The following ATXN1 variants were observed in gnomAD, a reference collection of about 807,000 sequenced individuals.
The protein encoded by ATXN1 is ataxin-1.
A neutral mutation model predicts 56.4 loss-of-function variants in ATXN1; 8 were observed. The ratio of observed to expected loss-of-function variants is 0.14; its 90% CI spans 0.08 to 0.26. The LOEUF (loss-of-function observed/expected upper bound fraction) is 0.26. Among genes scored for constraint, ATXN1 ranks in the 10% least tolerant of loss-of-function variants. ATXN1 has a pLI of 1.00. For synonymous variants in ATXN1, 514 were observed against 494.6 expected (o/e 1.04, Z -0.52); for missense variants, 987 against 1,106.5 (o/e 0.89, Z 1.53).
At chr6:16,565,712 A>C (rs143204278) in intron 4 of ATXN1, among the ~76,000 whole-genome samples, 3 of 152,194 alleles carry the variant, frequency 2.0e-5, no homozygotes, top group Non-Finnish European at 4.4e-5. Flanking sequence ...TGCTCAAAAA[A>C]TTTCCAGGTA....
intron 6 of ATXN1, among the ~76,000 whole-genome samples, chr6:16,474,875 C>CTG (rs1408224989): frequency 1.3e-5 from 2 of 151,934 alleles, no homozygotes; most frequent in African/African-American, 2.4e-5. Context: ...CTCTCTCTCT[C>CTG]TTTCTGTAAA....
At chr6:16,543,502 A>G (rs1761754718) in intron 4 of ATXN1, among the ~76,000 whole-genome samples, 1 of 152,102 alleles carries the variant, frequency 6.6e-6, no homozygotes, top group Non-Finnish European at 1.5e-5. Flanking sequence ...GTATGCCAAG[A>G]GAAAAAAGAA....
chr6:16,606,824 G>A (rs967719022), intron 3 of ATXN1, among the ~76,000 whole-genome samples: 5 of 130,846 alleles, frequency 3.8e-5, no homozygotes, highest in African/African-American at 8.3e-5. Flanking sequence ...CATCACGCCC[G>A]GCCCTAAATT....
intron 6 of ATXN1, among the ~76,000 whole-genome samples, chr6:16,384,751 G>C (rs1356234430): frequency 2.6e-5 from 4 of 152,208 alleles, no homozygotes; most frequent in Non-Finnish European, 4.4e-5. Context: ...AGGACGTGCT[G>C]GCTTCCCCTT....
intron 5 of ATXN1, among the ~76,000 whole-genome samples, chr6:16,504,763 C>G (rs1760949516): frequency 6.6e-6 from 1 of 152,162 alleles, no homozygotes; most frequent in Non-Finnish European, 1.5e-5. Flanking sequence ...AGACTCCCCT[C>G]ATGTGTAAAA....
At chr6:16,468,861 A>C (rs1298113967) in intron 6 of ATXN1, among the ~76,000 whole-genome samples, 1 of 152,128 alleles carries the variant, frequency 6.6e-6, no homozygotes, top group East Asian at 1.9e-4. Flanking sequence ...ACAGAACACA[A>C]ACTTACTTAG....
At chr6:16,533,751 G>A (rs984143938) in intron 4 of ATXN1, among the ~76,000 whole-genome samples, 2 of 152,046 alleles carry the variant, frequency 1.3e-5, no homozygotes, top group Non-Finnish European at 2.9e-5. Flanking sequence ...ATTCTCCTTC[G>A]TCACGCATAT....
At chr6:16,555,973 G>C (rs898102147) in intron 4 of ATXN1, among the ~76,000 whole-genome samples, 3 of 152,252 alleles carry the variant, frequency 2.0e-5, no homozygotes, top group Non-Finnish European at 4.4e-5. Flanking sequence ...GGCTTTCTTT[G>C]CAAGAGATCA....
At chr6:16,426,204 G>A (rs1759150939) in intron 6 of ATXN1, among the ~76,000 whole-genome samples, 1 of 152,156 alleles carries the variant, frequency 6.6e-6, no homozygotes, top group Admixed American at 6.5e-5. Flanking sequence ...GAGCCATTTT[G>A]GGAGAAGGAA....
At chr6:16,665,125 T>C (rs1034208180) in intron 2 of ATXN1, among the ~76,000 whole-genome samples, 1 of 152,202 alleles carries the variant, frequency 6.6e-6, no homozygotes, top group African/African-American at 2.4e-5. Context: ...GTGGAGAAGA[T>C]GTGGCCAATA....
At chr6:16,373,768 G>A (rs1762092846) in intron 6 of ATXN1, among the ~76,000 whole-genome samples, 1 of 152,154 alleles carries the variant, frequency 6.6e-6, no homozygotes, top group African/African-American at 2.4e-5. Flanking sequence ...TGATTGTGAA[G>A]CCTCCCCAGC....
intron 6 of ATXN1, among the ~76,000 whole-genome samples, chr6:16,475,472 G>A (rs73366761): frequency 2.8e-3 from 429 of 152,258 alleles, no homozygotes; most frequent in African/African-American, 9.7e-3. Context: ...CAATCACTGG[G>A]CTAAAAACTT....
At chr6:16,348,830 T>C (rs1432545084) in intron 6 of ATXN1, among the ~76,000 whole-genome samples, 4 of 152,252 alleles carry the variant, frequency 2.6e-5, no homozygotes, top group Non-Finnish European at 4.4e-5. Context: ...GATGAACTGC[T>C]TTCCAGTTCA....
At chr6:16,691,812 C>T (rs763950744) in intron 2 of ATXN1, among the ~76,000 whole-genome samples, 1 of 152,202 alleles carries the variant, frequency 6.6e-6, no homozygotes, top group Non-Finnish European at 1.5e-5. Flanking sequence ...ATGTCGAATC[C>T]TAACTCCCCA....
intron 4 of ATXN1, among the ~76,000 whole-genome samples, 199 bp from the exon 5 acceptor site, chr6:16,522,887 C>T (rs972324464): frequency 6.6e-6 from 1 of 152,052 alleles, no homozygotes; most frequent in Non-Finnish European, 1.5e-5. Flanking sequence ...GAGCTTTGAA[C>T]AATCAATATG....
chr6:16,694,158 T>C (rs1264621073), intron 2 of ATXN1, among the ~76,000 whole-genome samples: 1 of 151,594 alleles, frequency 6.6e-6, no homozygotes, highest in African/African-American at 2.4e-5. Context: ...CTCAAAAATA[T>C]AAAAACAGAG....
chr6:16,602,965 T>C (rs752952346), intron 3 of ATXN1, among the ~76,000 whole-genome samples: 4 of 152,218 alleles, frequency 2.6e-5, no homozygotes, highest in Non-Finnish European at 4.4e-5. Context: ...TAATGTAATA[T>C]AATAATTATG....
intron 5 of ATXN1, among the ~76,000 whole-genome samples, chr6:16,492,209 G>A (rs1023393386): frequency 4.6e-5 from 7 of 151,806 alleles, no homozygotes; most frequent in East Asian, 1.9e-4. Flanking sequence ...ATTGTTATAG[G>A]TGGGAATTGA....
chr6:16,490,196 G>C (rs1760633758), intron 5 of ATXN1, among the ~76,000 whole-genome samples: 1 of 151,204 alleles, frequency 6.6e-6, no homozygotes, highest in Admixed American at 6.6e-5. Context: ...TATTACCCAG[G>C]TTATTACACT....
Sources: allele counts gnomAD v4.1 joint callset (sites outside exome capture counted in the v4.1 genomes callset), GRCh38; gene constraint gnomAD v4.1.1; transcripts MANE v1.5; gene names NCBI Gene and HGNC (gene_info 2026-07-23, HGNC 2026-07-21).